CTNNA3: variants seen among roughly 807,000 people sequenced by gnomAD.
CTNNA3 encodes catenin alpha 3, also known as catenin alpha-3.
A neutral mutation model predicts 95.7 loss-of-function variants in CTNNA3; 76 were observed. That is an observed-to-expected ratio of 0.79 (90% CI 0.66 to 0.96). The LOEUF (loss-of-function observed/expected upper bound fraction) is 0.96. CTNNA3 is among the 40% of genes least tolerant of loss of function. The pLI, the probability that CTNNA3 is intolerant of heterozygous loss-of-function variation, is 0.00. For missense variants in CTNNA3, 1,191 were observed against 1,089.8 expected (o/e 1.09, Z -1.31); for synonymous variants, 431 against 374.4 (o/e 1.15, Z -1.74).
At chr10:65,937,853 T>C (rs2077367749) in intron 17 of CTNNA3, among the ~76,000 whole-genome samples, 1 of 152,054 alleles carries the variant, frequency 6.6e-6, no homozygotes. Context: ...ATCTAATAGA[T>C]CATGACACTT....
intron 10 of CTNNA3, among the ~76,000 whole-genome samples, chr10:66,531,816 C>G (rs79872664): frequency 0.041 from 6,271 of 151,890 alleles, 159 homozygotes; most frequent in Middle Eastern, 0.079. Flanking sequence ...ACACATATTA[C>G]AGTTTAAAGT....
At chr10:67,599,104 A>C (rs1843006416) in intron 3 of CTNNA3, among the ~76,000 whole-genome samples, 1 of 152,188 alleles carries the variant, frequency 6.6e-6, no homozygotes, top group Admixed American at 6.5e-5. Context: ...CACACTATAG[A>C]ATAAAAGACT....
At chr10:66,751,745 C>T (rs1839148698) in intron 9 of CTNNA3, among the ~76,000 whole-genome samples, 1 of 152,120 alleles carries the variant, frequency 6.6e-6, no homozygotes, top group South Asian at 2.1e-4. Context: ...TTAGTTTATA[C>T]ATCAAATCAG....
chr10:66,587,379 G>C (rs1484115550), intron 10 of CTNNA3, among the ~76,000 whole-genome samples: 3 of 152,130 alleles, frequency 2.0e-5, no homozygotes, highest in Admixed American at 6.5e-5. Flanking sequence ...GGTAGAATTT[G>C]TGCTTGCTTT....
chr10:66,195,504 A>G (rs1310398297), intron 13 of CTNNA3, among the ~76,000 whole-genome samples: 1 of 152,168 alleles, frequency 6.6e-6, no homozygotes, highest in African/African-American at 2.4e-5. Flanking sequence ...GGAGATACAT[A>G]CATAATAGCC....
intron 1 of CTNNA3, among the ~76,000 whole-genome samples, chr10:67,738,660 G>A (rs777461551): frequency 4.0e-5 from 6 of 151,396 alleles, no homozygotes; most frequent in Non-Finnish European, 7.4e-5. Flanking sequence ...GAGGAAGTCC[G>A]AACCCATGAC....
At chr10:67,394,863 T>A (rs1267605073) in intron 5 of CTNNA3, among the ~76,000 whole-genome samples, 1 of 152,040 alleles carries the variant, frequency 6.6e-6, no homozygotes, top group Non-Finnish European at 1.5e-5. Flanking sequence ...AACTGACAAA[T>A]TGAAAAGCTA....
intron 16 of CTNNA3, among the ~76,000 whole-genome samples, chr10:65,968,826 A>T (rs546928844): frequency 6.6e-6 from 1 of 152,184 alleles, no homozygotes; most frequent in Non-Finnish European, 1.5e-5. Context: ...TCCCAGCTCC[A>T]TATCTAGGCA....
chr10:67,695,224 C>G (rs760919785), intron 1 of CTNNA3, among the ~76,000 whole-genome samples: 1 of 152,172 alleles, frequency 6.6e-6, no homozygotes, highest in African/African-American at 2.4e-5. Flanking sequence ...CTCCAGAGAT[C>G]TTAGTAGGCA....
intron 9 of CTNNA3, among the ~76,000 whole-genome samples, chr10:66,669,336 G>C (rs892065648): frequency 6.6e-6 from 1 of 151,990 alleles, no homozygotes; most frequent in African/African-American, 2.4e-5. Flanking sequence ...TTGAGGTCAG[G>C]AGTTCGAGAC....
At chr10:66,409,892 A>G (rs946936357) in intron 11 of CTNNA3, among the ~76,000 whole-genome samples, 16 of 152,150 alleles carry the variant, frequency 1.1e-4, no homozygotes. Flanking sequence ...GAGTGTTCTG[A>G]TACTGCCAGT....
intron 16 of CTNNA3, among the ~76,000 whole-genome samples, chr10:65,975,293 T>C (rs555086104): frequency 6.6e-6 from 1 of 152,180 alleles, no homozygotes; most frequent in East Asian, 1.9e-4. Context: ...AAGTTTTCAG[T>C]AAGCAAATGA....
intron 1 of CTNNA3, among the ~76,000 whole-genome samples, chr10:67,760,635 G>C (rs555986262): frequency 1.0e-5 from 1 of 97,204 alleles, no homozygotes; most frequent in East Asian, 2.5e-4. Flanking sequence ...GGAGGTGAGC[G>C]GGTGAGAGAG....
chr10:67,649,489 T>C (rs559290764), intron 1 of CTNNA3, among the ~76,000 whole-genome samples: 1 of 152,364 alleles, frequency 6.6e-6, no homozygotes, highest in African/African-American at 2.4e-5. Flanking sequence ...TCTGTGTTCA[T>C]GTCTTTAACA....
intron 5 of CTNNA3, among the ~76,000 whole-genome samples, chr10:67,502,355 G>A (rs569449002): frequency 4.7e-4 from 71 of 152,282 alleles, no homozygotes; most frequent in Middle Eastern, 3.4e-3. Flanking sequence ...TCATCCCAGA[G>A]GGGCACCTGC....
At chr10:67,353,391 C>G (rs1285224620) in intron 5 of CTNNA3, among the ~76,000 whole-genome samples, 1 of 151,866 alleles carries the variant, frequency 6.6e-6, no homozygotes, top group African/African-American at 2.4e-5. Flanking sequence ...ATAGTAACTG[C>G]AAGAACTCCC....
At chr10:66,513,464 A>G (rs1440093775) in intron 11 of CTNNA3, among the ~76,000 whole-genome samples, 1 of 152,188 alleles carries the variant, frequency 6.6e-6, no homozygotes, top group Non-Finnish European at 1.5e-5. Context: ...CCTCCAGGCA[A>G]GCAGTCCTTG....
chr10:67,474,276 C>T (rs2133036127), intron 5 of CTNNA3, among the ~76,000 whole-genome samples: 1 of 152,198 alleles, frequency 6.6e-6, no homozygotes, highest in African/African-American at 2.4e-5. Flanking sequence ...TGAGATAAGG[C>T]CTTTAAAAAG....
intron 5 of CTNNA3, among the ~76,000 whole-genome samples, chr10:67,239,302 T>C (rs1437836838): frequency 6.7e-6 from 1 of 149,866 alleles, no homozygotes. Context: ...GCACTGTCTG[T>C]AATAGTCCCG....
Sources: allele counts gnomAD v4.1 joint callset (sites outside exome capture counted in the v4.1 genomes callset), GRCh38; gene constraint gnomAD v4.1.1; transcripts MANE v1.5; gene names NCBI Gene and HGNC (gene_info 2026-07-23, HGNC 2026-07-21).